The following ESPN variants were observed in gnomAD, a reference collection of about 807,000 sequenced individuals.
ESPN encodes espin, also known as autosomal recessive deafness type 36 protein.
ESPN carries 68 observed loss-of-function variants against 77.7 expected under a neutral mutation model. The observed-to-expected ratio is 0.87, with a 90% CI of 0.72 to 1.07. ESPN has a LOEUF of 1.07. ESPN is among the 50% of genes least tolerant of loss of function. The probability of loss-of-function intolerance (pLI) is 0.00; values close to 1 mark genes in which losing one functional copy is unlikely to be tolerated. For synonymous variants in ESPN, 449 were observed against 567.1 expected (o/e 0.79, Z 2.96); for missense variants, 1,060 against 1,239.0 (o/e 0.86, Z 2.17).
chr1:6,451,541 G>A lies in ESPN; in HGVS notation c.1916-62G>A, dbSNP rs1363845577. 1 of 1,584,002 alleles carries A rather than the reference G, an allele frequency of 6.3e-7. No individual in the cohort carries two copies. Among genetic ancestry groups the A allele is most frequent in the African/African-American group, 1.3e-5 (1 of 74,200 alleles). ...TAGGAAAGGGGCTGCAGAGGGGCGG[G>A]TGAGGGGTGGCGGGGATGCAGCCCC... On this transcript the variant is annotated intron_variant, in intron 8 of 12. Transcript: ENST00000645284. The surrounding 1 kb of genome is among the most constrained non-coding windows in gnomAD (Gnocchi z 4.3).
At chr1:6,445,260 T>G (rs537535683) in intron 6 of ESPN, among the ~76,000 whole-genome samples, 166 of 152,382 alleles carry the variant, frequency 1.1e-3, no homozygotes, top group African/African-American at 3.9e-3. Context: ...GACCGTGCCC[T>G]GAGCATGGGC....
intron 2 of ESPN, among the ~76,000 whole-genome samples, chr1:6,433,278 A>G (rs972693458): frequency 8.5e-5 from 13 of 152,086 alleles, no homozygotes; most frequent in South Asian, 2.1e-4. Context: ...CCCCATCTCT[A>G]CTAAAAAATA....
chr1:6,445,440 C>T, intron 6 of ESPN: 1 of 635,192 alleles, frequency 1.6e-6, no homozygotes, highest in Non-Finnish European at 2.9e-6. Flanking sequence ...GCTTCCCCTC[C>T]AAACCGGAGT....
chr1:6,454,765 C>A, intron 10 of ESPN: 2 of 398,166 alleles, frequency 5.0e-6, no homozygotes, highest in Non-Finnish European at 8.9e-6. Context: ...AACATGGCCA[C>A]GCTGCTGGCT....
Position 6,460,295 on chromosome 1 carries a change from G to C in ESPN, c.*149G>C. On this transcript the variant is annotated 3_prime_UTR_variant, in exon 13 of 13. Coordinates refer to ENST00000645284, the MANE Select transcript of ESPN (RefSeq NM_031475.3). ...TCCCTGACCCCCACCCTGGCCCCCC[G>C]TATCCCCAGCCCTTGGCAACACTGG... is the stretch of plus-strand genomic sequence containing the variant. 2.0e-6 allele frequency: 2 copies of C among 1,019,614 alleles called. No individual in the cohort carries two copies. Among genetic ancestry groups the C allele is most frequent in the South Asian group, 1.7e-5 (1 of 57,936 alleles). 63.2% of individuals were successfully genotyped at this position (1,019,614 alleles called of 1,614,324 possible).
rs780298653 is a variant in ESPN, at chr1:6,460,883, A to AC, written c.*740dup. On this transcript the variant is annotated 3_prime_UTR_variant, in exon 13 of 13. Coordinates refer to ENST00000645284, the MANE Select transcript of ESPN (RefSeq NM_031475.3). ...TCTCCAACTGCTGCACCCCATCCCG[A>AC]CCCTGTCTCCGCCACCTCGCAGCCC... is the stretch of plus-strand genomic sequence containing the variant. 6.3e-4 allele frequency: 211 copies of AC among 332,856 alleles called. No homozygotes were observed. Among genetic ancestry groups the AC allele is most frequent in the Admixed American group, 1.3e-3 (27 of 21,396 alleles). The allele number at this position is 332,856 out of a possible 1,614,324, so 20.6% of individuals were successfully genotyped here.
At chr1:6,436,528 A>C (rs1340554518) in intron 2 of ESPN, among the ~76,000 whole-genome samples, 8 of 148,656 alleles carry the variant, frequency 5.4e-5, no homozygotes, top group Admixed American at 5.4e-4. Flanking sequence ...TTTTAGAGGC[A>C]GGATCTTGCT....
rs1405775000 is a variant in ESPN, at chr1:6,434,499, A to G, written c.489-5755A>G. Among the ~76,000 whole-genome samples the G allele has an allele frequency of 7.2e-5, 11 of 152,220 alleles. 1 individual carries two copies. Among genetic ancestry groups the G allele is most frequent in the East Asian group, 1.9e-4 (1 of 5,188 alleles). On this transcript the variant is annotated intron_variant, in intron 2 of 12. Coordinates refer to ENST00000645284, the MANE Select transcript of ESPN (RefSeq NM_031475.3). Reference sequence around the variant, plus strand: ...TCCCAGGGACTTGTCCACTCTGCCTATAGCTCATTGCATGTGACCCTAGAC... The same window carrying G: ...TCCCAGGGACTTGTCCACTCTGCCTGTAGCTCATTGCATGTGACCCTAGAC...
In ESPN at chr1:6,457,202, C is replaced by T. The variant is rs201586165; in HGVS notation, c.2344C>T (p.Arg782Trp). 2.2e-5 allele frequency: 35 copies of T among 1,607,332 alleles called. No homozygotes were observed. Among genetic ancestry groups the T allele is most frequent in the East Asian group, 1.3e-4 (6 of 44,622 alleles). The change falls in exon 11 of 13, where the codon CGG (arginine) becomes TGG (tryptophan). Residue 782 changes from arginine (R) to tryptophan (W), a missense_variant. Arg to Trp is a moderately radical substitution (Grantham distance 101). This residue lies in a region of ESPN where 374 missense variants were observed against 381.4 expected (regional missense o/e 0.98). Transcript: ENST00000645284. ...GTTTCAGGAGGAGGAGGAGGAGGCC[C>T]GGCTGGCCAGCATGCCCGCCTGGAG... ...QRRKEEEEEA[R>W]LASMPAWRRD...
intron 3 of ESPN, 30 bp from the exon 4 acceptor site, chr1:6,440,596 C>CCCCCCCCCAAA: frequency 2.7e-6 from 3 of 1,127,588 alleles, no homozygotes; most frequent in African/African-American, 1.7e-5. Flanking sequence ...GCCCAGCCCC[C>CCCCCCCCCAAA]GCCCCCCTCT....
chr1:6,454,639 T>C (rs1341900198), intron 10 of ESPN: 1 of 398,784 alleles, frequency 2.5e-6, no homozygotes, highest in East Asian at 3.6e-5. Flanking sequence ...CTGGAGCAGC[T>C]GCTGCCCATC....
chr1:6,441,990 A>G (rs1410340675), intron 5 of ESPN, among the ~76,000 whole-genome samples: 1 of 152,226 alleles, frequency 6.6e-6, no homozygotes, highest in Non-Finnish European at 1.5e-5. Flanking sequence ...AAGAGAATGA[A>G]TGGCCCAGCA....
chr1:6,425,329 A>C, intron 1 of ESPN, 80 bp downstream of exon 1: 1 of 1,501,102 alleles, frequency 6.7e-7, no homozygotes, highest in Non-Finnish European at 8.9e-7. Flanking sequence ...CCGGGGCTCA[A>C]GGATGGGTGG....
chr1:6,443,211 G>A (rs796168114), intron 5 of ESPN: 7 of 152,224 alleles, frequency 4.6e-5, no homozygotes, highest in African/African-American at 1.4e-4. Flanking sequence ...GCATTTACTG[G>A]GTGCCATGTC....
chr1:6,440,347 A>T lies in ESPN; in HGVS notation c.582A>T (p.Glu194Asp), dbSNP rs372888541. Residue 194 changes from glutamate (E) to aspartate (D), a missense_variant, in exon 3 of 13, where the codon GAA becomes GAT. Glu to Asp is a conservative substitution (Grantham distance 45, BLOSUM62 2). Transcript: ENST00000645284. ...AGGTGACCCAGTACCTGGTGCAGGA[A>T]TGCGGCGCAGACCCGCACGCGCGCG... ...HLEVTQYLVQ[E>D]CGADPHARAH... is the part of the protein sequence containing the mutation. 5.6e-5 allele frequency: 88 copies of T among 1,584,490 alleles called. No individual in the cohort carries two copies. In the African/African-American group the frequency reaches 1.1e-3, roughly 20 times the overall value.
rs1438090990 is a variant in ESPN at position 6,437,421 on chromosome 1, CTG to C, written c.489-2830_489-2829del. ...CTGATCCCCAAGACCCCGGCACTCA[CTG>C]TGCCTTGGTTACGGGGTGAATAATT... is the stretch of plus-strand genomic sequence containing the variant. On this transcript the variant is annotated intron_variant, in intron 2 of 12. Transcript: ENST00000645284. The surrounding 1 kb of genome is among the most constrained non-coding windows in gnomAD (Gnocchi z 4.5). The C allele has an allele frequency of 7.2e-5, 11 of 152,410 alleles. No homozygotes were observed. The South Asian group carries it at 1.9e-3, about 26-fold the overall frequency. 9.4% of individuals were successfully genotyped at this position (152,410 alleles called of 1,614,324 possible).
intron 10 of ESPN, among the ~76,000 whole-genome samples, chr1:6,452,430 A>C (rs1643966261): frequency 6.6e-6 from 1 of 152,008 alleles, no homozygotes; most frequent in African/African-American, 2.4e-5. Context: ...CTGGGATTAC[A>C]GGCATGAACC....
rs1428730110 is a variant in ESPN at position 6,445,825 on chromosome 1, C to G, written c.1354C>G (p.Pro452Ala). The G allele has an allele frequency of 6.3e-7, 1 of 1,585,556 alleles. No individual in the cohort carries two copies. The highest frequency in any genetic ancestry group is 8.6e-7 in the Non-Finnish European group (1 of 1,157,626). ...CCCAGGCACCCAACTGCCCCCACCC[C>G]CACCTGGCTACCCAGCTCCCAAGCC... Reference protein sequence around the residue: ...PPPGTQLPPPPPGYPAPKPPV... With the variant: ...PPPGTQLPPPAPGYPAPKPPV... Residue 452 changes from proline to alanine, a missense_variant, in exon 7 of 13, where the codon CCA becomes GCA. This residue lies in a region of ESPN where 130 missense variants were observed against 223.9 expected (regional missense o/e 0.58). Coordinates refer to ENST00000645284, the MANE Select transcript of ESPN (RefSeq NM_031475.3).
chr1:6,445,066 A>G (rs1184363488), intron 6 of ESPN, among the ~76,000 whole-genome samples: 2 of 152,286 alleles, frequency 1.3e-5, no homozygotes, highest in South Asian at 4.1e-4. Context: ...AAGCAAGCAC[A>G]CAGTGCTCTA....
Sources: gnomAD v4.1 joint callset for allele counts (sites outside exome capture counted in the v4.1 genomes callset) on GRCh38, gnomAD v4.1.1 for gene constraint, gnomAD v4.1.1 regional missense constraint, Gnocchi (gnomAD v3.1) non-coding constraint, MANE v1.5 for transcripts, NCBI Gene and HGNC (gene_info 2026-07-23, HGNC 2026-07-21) for gene names.